CACNA2D3: variants seen among roughly 807,000 people sequenced by gnomAD.
The protein encoded by CACNA2D3 is voltage-dependent calcium channel subunit alpha-2/delta-3.
In CACNA2D3, 60 loss-of-function variants were observed where a neutral mutation model predicts 160.6. The ratio of observed to expected loss-of-function variants is 0.37; its 90% CI spans 0.30 to 0.46. CACNA2D3 has a LOEUF of 0.46. Ranked by LOEUF, CACNA2D3 falls within the 20% of genes least tolerant of loss-of-function variation. CACNA2D3 has a pLI of 1.00. For synonymous variants in CACNA2D3, 558 were observed against 492.9 expected, an observed-to-expected ratio of 1.13 and a Z score of -1.75; for missense variants, 1,205 against 1,365.0, an observed-to-expected ratio of 0.88 and a Z score of 1.85.
chr3:54,899,648 C>G, intron 26 of CACNA2D3, 140 bp from the exon 27 acceptor site: 1 of 622,390 alleles, frequency 1.6e-6, no homozygotes, highest in Non-Finnish European at 2.8e-6. Flanking sequence ...AGAGCATCCA[C>G]ACCTCAGAGG....
chr3:54,489,432 G>A (rs1195990313), intron 4 of CACNA2D3, among the ~76,000 whole-genome samples: 2 of 152,236 alleles, frequency 1.3e-5, no homozygotes, highest in Admixed American at 1.3e-4. Context: ...AGAACCACAT[G>A]AACTTGCTGG....
chr3:54,763,835 GTA>G (rs1702157061), intron 12 of CACNA2D3, among the ~76,000 whole-genome samples: 5 of 76,314 alleles, frequency 6.6e-5, no homozygotes, highest in South Asian at 5.3e-4. Flanking sequence ...GTATATATAT[GTA>G]TATATATGTA....
In CACNA2D3 at chr3:54,933,648, C is replaced by G. The variant is rs1192374062; in HGVS notation, c.2449+33780C>G. 2.0e-5 allele frequency among the ~76,000 whole-genome samples: 3 copies of G among 152,268 alleles called. No homozygotes were observed. The East Asian group carries it at 5.8e-4, about 29-fold the overall frequency. On this transcript the variant is annotated intron_variant, in intron 27 of 37. Transcript: ENST00000474759. ...GCATTATCTCACTTTAAAGTGACAACAACTCACTAGACATTAAGTTTCAAA... is the reference window on the plus strand; with the variant it reads ...GCATTATCTCACTTTAAAGTGACAAGAACTCACTAGACATTAAGTTTCAAA...
At chr3:54,927,936 G>A (rs147452835) in intron 27 of CACNA2D3, 1 of 1,613,138 alleles carries the variant, frequency 6.2e-7, no homozygotes, top group South Asian at 1.1e-5. Context: ...GGGCGTCCTT[G>A]CTGACCTCGT....
chr3:55,063,147 G>A (rs1704553348), intron 35 of CACNA2D3, among the ~76,000 whole-genome samples: 1 of 152,194 alleles, frequency 6.6e-6, no homozygotes. Context: ...TTCTCCAAAG[G>A]TATGGGAGGA....
chr3:54,284,623 T>G (rs1022325838), intron 2 of CACNA2D3, among the ~76,000 whole-genome samples: 1 of 152,198 alleles, frequency 6.6e-6, no homozygotes, highest in East Asian at 1.9e-4. Context: ...CATCTCTGTC[T>G]TGATGAACAG....
rs375471476 is a variant in CACNA2D3 at position 54,421,542 on chromosome 3, G to A, written c.381+34768G>A. Among the ~76,000 whole-genome samples, 26 of 152,200 alleles carry A rather than the reference G, an allele frequency of 1.7e-4. 1 individual carries two copies. In the South Asian group the frequency reaches 5.0e-3, roughly 29 times the overall value. ...TCAGGGGTCCCTTGGGAGTGTCTGCGGATGGGATTCTATATACCCTTCCAG... is the reference window on the plus strand; with the variant it reads ...TCAGGGGTCCCTTGGGAGTGTCTGCAGATGGGATTCTATATACCCTTCCAG... On this transcript the variant is annotated intron_variant, in intron 4 of 37. Transcript: ENST00000474759.
At chr3:54,749,888 A>G (rs1575456282) in intron 11 of CACNA2D3, among the ~76,000 whole-genome samples, 1 of 152,072 alleles carries the variant, frequency 6.6e-6, no homozygotes, top group South Asian at 2.1e-4. Context: ...ATACCCATAA[A>G]CCCCTCAGTA....
intron 3 of CACNA2D3, among the ~76,000 whole-genome samples, chr3:54,368,503 A>G (rs1364142206): frequency 6.6e-6 from 1 of 151,998 alleles, no homozygotes; most frequent in Admixed American, 6.6e-5. Context: ...GAGAGTGAGC[A>G]CGGAAAGGAG....
At chr3:54,693,289 G>T (rs1014112148) in intron 11 of CACNA2D3, among the ~76,000 whole-genome samples, 1 of 152,130 alleles carries the variant, frequency 6.6e-6, no homozygotes, top group African/African-American at 2.4e-5. Flanking sequence ...ACAATGAACC[G>T]CATATTCTTA....
At chr3:54,452,308 C>T (rs1465961210) in intron 4 of CACNA2D3, among the ~76,000 whole-genome samples, 1 of 152,036 alleles carries the variant, frequency 6.6e-6, no homozygotes, top group South Asian at 2.1e-4. Flanking sequence ...ATGAGACTTA[C>T]TCACTGCCAT....
chr3:54,571,215 G>T (rs1219285690), intron 8 of CACNA2D3, among the ~76,000 whole-genome samples: 1 of 152,136 alleles, frequency 6.6e-6, no homozygotes, highest in Non-Finnish European at 1.5e-5. Flanking sequence ...GGATGGTGGA[G>T]GCCCGAGTTC....
At chr3:54,841,237 C>T (rs182268860) in intron 16 of CACNA2D3, among the ~76,000 whole-genome samples, 2 of 152,222 alleles carry the variant, frequency 1.3e-5, no homozygotes, top group African/African-American at 2.4e-5. Flanking sequence ...GGGGACCCTT[C>T]GGCCTCATTT....
At position 54,177,458 on chromosome 3, in the gene CACNA2D3, G is replaced by A. The variant is rs148204175; in HGVS notation, c.204+53864G>A. Among the ~76,000 whole-genome samples the A allele has an allele frequency of 3.2e-4, 48 of 152,222 alleles. No homozygotes were observed. The East Asian group carries it at 6.8e-3, about 21-fold the overall frequency. On this transcript the variant is annotated intron_variant, in intron 2 of 37. Coordinates refer to ENST00000474759, the MANE Select transcript of CACNA2D3 (RefSeq NM_018398.3). ...ACTAGGTTGCTGCCCATCCAGGAGC[G>A]GTTTTATCAATCTCTGAAAAAGCTA...
chr3:54,169,794 G>A (rs1322147126), intron 2 of CACNA2D3, among the ~76,000 whole-genome samples: 2 of 151,932 alleles, frequency 1.3e-5, no homozygotes, highest in Admixed American at 1.3e-4. Flanking sequence ...TGATGGATCA[G>A]GGAAACATTT....
At position 54,149,877 on chromosome 3, in the gene CACNA2D3, G is replaced by GTGTCTC. The variant is rs757018890; in HGVS notation, c.204+26284_204+26285insGTCTCT. On this transcript the variant is annotated intron_variant, in intron 2 of 37. Coordinates refer to ENST00000474759, the MANE Select transcript of CACNA2D3 (RefSeq NM_018398.3). ...TAGTAACAGAGAGGGCTGTCCTGAA[G>GTGTCTC]TATCTGTCTCTCTCTCTCTCTCTCT... is the stretch of plus-strand genomic sequence containing the variant. Among the ~76,000 whole-genome samples the GTGTCTC allele has an allele frequency of 9.1e-3, 955 of 105,514 alleles. 127 individuals carry two copies. The highest frequency in any genetic ancestry group is 0.012 in the Non-Finnish European group (629 of 51,384). The allele number at this position is 105,514 out of a possible 152,430, so 69.2% of individuals were successfully genotyped here.
chr3:54,763,788 T>TACGTATATATACATATATATAC lies in CACNA2D3; in HGVS notation c.1247-430_1247-429insACGTATATATACATATATATAC, dbSNP rs374469206. 5.2e-5 allele frequency among the ~76,000 whole-genome samples: 2 copies of TACGTATATATACATATATATAC among 38,546 alleles called. 1 individual carries two copies. The highest frequency in any genetic ancestry group is 1.0e-4 in the Non-Finnish European group (2 of 19,768). 25.3% of individuals were successfully genotyped at this position (38,546 alleles called of 152,430 possible). ...ATATATGTATATATGTACATATATA[T>TACGTATATATACATATATATAC]GTATATATATGTACATATATATACA... On this transcript the variant is annotated intron_variant, in intron 12 of 37. Transcript: ENST00000474759.
At position 54,816,883 on chromosome 3, in the gene CACNA2D3, C is replaced by T. The variant is rs759275308; in HGVS notation, c.1398+13C>T. ...TCAGGCACAAAAGGTAAATTCTCTT[C>T]TGTCACATTCCAGTCACCCCCAGAA... On this transcript the variant is annotated intron_variant, in intron 14 of 37. Transcript: ENST00000474759. The T allele has an allele frequency of 4.3e-6, 7 of 1,613,680 alleles. No individual in the cohort carries two copies. Among genetic ancestry groups the T allele is most frequent in the Non-Finnish European group, 2.5e-6 (3 of 1,179,768 alleles).
chr3:54,225,918 A>G (rs1559888134), intron 2 of CACNA2D3, among the ~76,000 whole-genome samples: 1 of 152,108 alleles, frequency 6.6e-6, no homozygotes, highest in Non-Finnish European at 1.5e-5. Flanking sequence ...ATTTCCGGAA[A>G]GCACTGAGAC....
Sources: gnomAD v4.1 joint callset for allele counts (sites outside exome capture counted in the v4.1 genomes callset) on GRCh38, gnomAD v4.1.1 for gene constraint, MANE v1.5 for transcripts, NCBI Gene and HGNC (gene_info 2026-07-23, HGNC 2026-07-21) for gene names.